The following TMEM178A variants were observed in gnomAD, a reference collection of about 807,000 sequenced individuals.
TMEM178A encodes the protein transmembrane protein 178A.
A neutral mutation model predicts 29.1 loss-of-function variants in TMEM178A; 12 were observed. The ratio of observed to expected loss-of-function variants is 0.41; its 90% CI spans 0.26 to 0.67. The LOEUF is 0.67. Among genes scored for constraint, TMEM178A ranks in the 30% least tolerant of loss-of-function variants. The probability of loss-of-function intolerance (pLI) is 0.29; values close to 1 mark genes in which losing one functional copy is unlikely to be tolerated. For synonymous variants in TMEM178A, 210 were observed against 187.2 expected, an observed-to-expected ratio of 1.12 and a Z score of -0.99; for missense variants, 366 against 419.1, an observed-to-expected ratio of 0.87 and a Z score of 1.11.
At chr2:39,722,937 A>G (rs1672731769), downstream of TMEM178A, among the ~76,000 whole-genome samples, 1 of 152,126 alleles carries the variant, frequency 6.6e-6, no homozygotes. Context: ...AATTCCCTCA[A>G]TATCTGGCTA....
chr2:39,692,543 A>AC (rs1671361786), intron 1 of TMEM178A, among the ~76,000 whole-genome samples: 2 of 152,190 alleles, frequency 1.3e-5, no homozygotes. Flanking sequence ...ATAGTTGGCT[A>AC]CTTTTTTTTT....
chr2:39,684,145 C>T (rs1188260067), intron 1 of TMEM178A, among the ~76,000 whole-genome samples: 1 of 152,202 alleles, frequency 6.6e-6, no homozygotes, highest in East Asian at 1.9e-4. Flanking sequence ...TTTTTATTTT[C>T]TCCTCTGTGA....
the TMEM178A span, among the ~76,000 whole-genome samples, chr2:39,725,824 C>A: frequency 2.6e-5 from 4 of 152,168 alleles, no homozygotes; most frequent in African/African-American, 7.2e-5. Context: ...ACTTTAGGAG[C>A]AGGTCCACCG....
chr2:39,718,915 G>T (rs1672645363), downstream of TMEM178A, among the ~76,000 whole-genome samples: 1 of 152,188 alleles, frequency 6.6e-6, no homozygotes, highest in African/African-American at 2.4e-5. Flanking sequence ...TTTCATAAAA[G>T]ATTCTTTTCT....
chr2:39,697,390 A>C (rs984011854), intron 1 of TMEM178A, among the ~76,000 whole-genome samples: 2 of 152,244 alleles, frequency 1.3e-5, no homozygotes, highest in African/African-American at 4.8e-5. Flanking sequence ...GACATAAAAC[A>C]GCTAATGGCA....
intron 3 of TMEM178A, among the ~76,000 whole-genome samples, chr2:39,709,550 T>C (rs1672210803): frequency 6.6e-6 from 1 of 152,164 alleles, no homozygotes; most frequent in South Asian, 2.1e-4. Context: ...ATCCAAATTA[T>C]AGACTAAAGC....
At chr2:39,727,381 T>C in the TMEM178A span, among the ~76,000 whole-genome samples, 1 of 152,166 alleles carries the variant, frequency 6.6e-6, no homozygotes, top group Non-Finnish European at 1.5e-5. Context: ...TGGCAAAATA[T>C]GAACATGCAC....
At chr2:39,734,458 T>C in the TMEM178A span, among the ~76,000 whole-genome samples, 1 of 152,244 alleles carries the variant, frequency 6.6e-6, no homozygotes, top group African/African-American at 2.4e-5. Context: ...GGTCTTATTC[T>C]CCTATTCCCA....
chr2:39,667,678 C>T (rs1291266487), intron 1 of TMEM178A, among the ~76,000 whole-genome samples: 3 of 152,184 alleles, frequency 2.0e-5, no homozygotes, highest in Non-Finnish European at 4.4e-5. Context: ...ATGTCAACTT[C>T]CTCCTTCCCA....
chr2:39,723,249 C>G, the TMEM178A span, among the ~76,000 whole-genome samples: 1 of 152,148 alleles, frequency 6.6e-6, no homozygotes, highest in African/African-American at 2.4e-5. Context: ...AAATTCATTC[C>G]CCACAGGTAA....
chr2:39,671,928 A>G (rs867669494), intron 1 of TMEM178A, among the ~76,000 whole-genome samples: 32 of 152,310 alleles, frequency 2.1e-4, no homozygotes, highest in African/African-American at 7.5e-4. Context: ...TTTATCTTGC[A>G]CAGGGGAGAG....
intron 1 of TMEM178A, among the ~76,000 whole-genome samples, chr2:39,703,161 C>T (rs1671870534): frequency 6.6e-6 from 1 of 152,164 alleles, no homozygotes; most frequent in African/African-American, 2.4e-5. Context: ...AAAGGACTAA[C>T]ATTCGCTCAT....
At chr2:39,704,059 C>A in intron 1 of TMEM178A, 22 bp from the exon 2 acceptor site, 1 of 1,602,588 alleles carries the variant, frequency 6.2e-7, no homozygotes, top group Middle Eastern at 1.7e-4. Context: ...ACTCGTAAAT[C>A]GCGTTTCTTA....
At chr2:39,672,478 C>T (rs533760330) in intron 1 of TMEM178A, among the ~76,000 whole-genome samples, 36 of 152,270 alleles carry the variant, frequency 2.4e-4, no homozygotes, top group Non-Finnish European at 5.1e-4. Context: ...AAAGAGCCCT[C>T]GAACCCCATC....
the TMEM178A span, among the ~76,000 whole-genome samples, chr2:39,735,824 G>A: frequency 1.5e-3 from 232 of 152,296 alleles, no homozygotes; most frequent in Non-Finnish European, 2.5e-3. Context: ...GGTGAAGATC[G>A]CTTTGTGTTG....
At chr2:39,688,539 AT>A (rs1671178274) in intron 1 of TMEM178A, among the ~76,000 whole-genome samples, 2 of 152,330 alleles carry the variant, frequency 1.3e-5, no homozygotes, top group Admixed American at 1.3e-4. Context: ...CAGCATCTAA[AT>A]GATAACACGT....
chr2:39,677,904 AT>A (rs553835471), intron 1 of TMEM178A, among the ~76,000 whole-genome samples: 67 of 152,208 alleles, frequency 4.4e-4, no homozygotes, highest in South Asian at 1.5e-3. Flanking sequence ...GCCACAAGGT[AT>A]GTGGGTGGGC....
chr2:39,709,884 A>G (rs971674084), intron 3 of TMEM178A, among the ~76,000 whole-genome samples: 4 of 152,264 alleles, frequency 2.6e-5, no homozygotes, highest in African/African-American at 9.6e-5. Flanking sequence ...TGCTCTTAGC[A>G]AATGAAACAA....
intron 3 of TMEM178A, among the ~76,000 whole-genome samples, chr2:39,709,154 C>G (rs1215811419): frequency 6.6e-6 from 1 of 151,890 alleles, no homozygotes; most frequent in African/African-American, 2.4e-5. Flanking sequence ...TGCTGACTGT[C>G]TGTCTCTGAG....
Sources: gnomAD v4.1 joint callset for allele counts (sites outside exome capture counted in the v4.1 genomes callset) on GRCh38, gnomAD v4.1.1 for gene constraint, MANE v1.5 for transcripts, NCBI Gene and HGNC (gene_info 2026-07-23, HGNC 2026-07-21) for gene names.